The following DOK5 variants were observed in gnomAD, a reference collection of about 807,000 sequenced individuals.
DOK5 encodes the protein docking protein 5, also known as downstream of tyrosine kinase 5.
Under a neutral mutation model 43.3 loss-of-function variants are expected in DOK5, and 27 were observed. That is an observed-to-expected ratio of 0.62 (90% CI 0.46 to 0.86). The LOEUF is 0.86. Ranked by LOEUF, DOK5 falls within the 40% of genes least tolerant of loss-of-function variation. The pLI, the probability that DOK5 is intolerant of heterozygous loss-of-function variation, is 0.00. For missense variants in DOK5, 373 were observed against 392.9 expected, an observed-to-expected ratio of 0.95 and a Z score of 0.43; for synonymous variants, 146 against 140.1, an observed-to-expected ratio of 1.04 and a Z score of -0.30.
At chr20:54,599,120 G>A (rs1352084919) in intron 5 of DOK5, among the ~76,000 whole-genome samples, 1 of 152,118 alleles carries the variant, frequency 6.6e-6, no homozygotes, top group Non-Finnish European at 1.5e-5. Flanking sequence ...ATTTCTGAAT[G>A]TTTTACAGAG....
At chr20:54,626,780 C>T (rs1056347277) in intron 6 of DOK5, among the ~76,000 whole-genome samples, 11 of 152,174 alleles carry the variant, frequency 7.2e-5, no homozygotes, top group Admixed American at 1.3e-4. Flanking sequence ...CTAGTTTTTC[C>T]GTTCAACAGT....
chr20:54,525,039 T>A (rs1219814412), intron 1 of DOK5, among the ~76,000 whole-genome samples: 1 of 152,184 alleles, frequency 6.6e-6, no homozygotes, highest in Non-Finnish European at 1.5e-5. Flanking sequence ...AGGCGGAAGT[T>A]CTTACCCTGC....
chr20:54,616,690 G>A (rs1186089263), intron 6 of DOK5, among the ~76,000 whole-genome samples: 1 of 150,640 alleles, frequency 6.6e-6, no homozygotes, highest in Non-Finnish European at 1.5e-5. Context: ...TTCCTCTCCA[G>A]TTTTTCACAA....
intron 6 of DOK5, among the ~76,000 whole-genome samples, chr20:54,626,729 G>C (rs1315444135): frequency 6.6e-6 from 1 of 152,074 alleles, no homozygotes; most frequent in Admixed American, 6.6e-5. Flanking sequence ...TGATGCAATT[G>C]TTTATTTTAC....
intron 6 of DOK5, among the ~76,000 whole-genome samples, chr20:54,641,568 TCATCATCATCATCTC>T (rs1353129636): frequency 8.0e-4 from 97 of 121,332 alleles, no homozygotes; most frequent in African/African-American, 2.2e-3. Flanking sequence ...ATCATCATCA[TCATCATCATCATCTC>T]CATCTCCATT....
intron 5 of DOK5, among the ~76,000 whole-genome samples, chr20:54,604,382 A>C (rs867419452): frequency 4.2e-4 from 63 of 151,156 alleles, no homozygotes; most frequent in African/African-American, 1.5e-3. Flanking sequence ...TTTGGATTCC[A>C]GATTTTCATT....
chr20:54,524,639 T>C (rs1254755377), intron 1 of DOK5, among the ~76,000 whole-genome samples: 1 of 152,210 alleles, frequency 6.6e-6, no homozygotes, highest in Non-Finnish European at 1.5e-5. Context: ...AGAGAATGTG[T>C]TTGCCCAAAG....
At chr20:54,477,059 G>T (rs1261235308) in intron 1 of DOK5, among the ~76,000 whole-genome samples, 1 of 151,836 alleles carries the variant, frequency 6.6e-6, no homozygotes, top group African/African-American at 2.4e-5. Flanking sequence ...TGGCGGGGGC[G>T]GGGGGAGAAA....
chr20:54,563,711 T>C (rs774165982), intron 2 of DOK5, among the ~76,000 whole-genome samples: 2 of 150,486 alleles, frequency 1.3e-5, no homozygotes, highest in Non-Finnish European at 3.0e-5. Context: ...CAATACCAGA[T>C]TCTTGTCTTA....
At chr20:54,518,379 G>T (rs113275520) in intron 1 of DOK5, among the ~76,000 whole-genome samples, 2,194 of 151,936 alleles carry the variant, frequency 0.014, 48 homozygotes, top group African/African-American at 0.05. Flanking sequence ...GTGGTGTTTG[G>T]TTTTTTGTCC....
intron 5 of DOK5, among the ~76,000 whole-genome samples, chr20:54,601,735 C>T (rs1444696047): frequency 6.6e-6 from 1 of 152,206 alleles, no homozygotes; most frequent in Non-Finnish European, 1.5e-5. Flanking sequence ...GGGCCTTTCT[C>T]TTCACCCTGC....
At chr20:54,481,827 C>A (rs928110699) in intron 1 of DOK5, among the ~76,000 whole-genome samples, 43 of 152,312 alleles carry the variant, frequency 2.8e-4, no homozygotes, top group African/African-American at 1.0e-3. Flanking sequence ...TATTTATAAG[C>A]CTCCATCTTC....
At chr20:54,578,671 T>C (rs986541292) in intron 2 of DOK5, among the ~76,000 whole-genome samples, 3 of 152,244 alleles carry the variant, frequency 2.0e-5, no homozygotes, top group Admixed American at 6.5e-5. Context: ...CTGTTAGTAA[T>C]GAAAATTTAT....
intron 1 of DOK5, among the ~76,000 whole-genome samples, chr20:54,486,952 TA>T (rs957198788): frequency 1.2e-3 from 181 of 151,062 alleles, no homozygotes; most frequent in East Asian, 3.3e-3. Flanking sequence ...TTTTTGATAA[TA>T]AAAAAAAAGG....
intron 1 of DOK5, among the ~76,000 whole-genome samples, chr20:54,528,251 T>C (rs1020758876): frequency 3.3e-5 from 5 of 152,098 alleles, no homozygotes; most frequent in African/African-American, 1.2e-4. Flanking sequence ...TATAGATAAA[T>C]AGGAAGATAG....
intron 2 of DOK5, among the ~76,000 whole-genome samples, chr20:54,587,662 T>G (rs959011997): frequency 6.6e-6 from 1 of 152,126 alleles, no homozygotes; most frequent in Middle Eastern, 3.4e-3. Flanking sequence ...ACTGTGGAAA[T>G]ATAATGAGCC....
intron 1 of DOK5, among the ~76,000 whole-genome samples, chr20:54,495,955 A>G (rs1054715944): frequency 2.0e-5 from 3 of 152,228 alleles, no homozygotes; most frequent in Non-Finnish European, 4.4e-5. Context: ...TGACAATTTT[A>G]CACATAGGAC....
At chr20:54,631,882 G>A (rs2146817450) in intron 6 of DOK5, among the ~76,000 whole-genome samples, 1 of 152,278 alleles carries the variant, frequency 6.6e-6, no homozygotes, top group African/African-American at 2.4e-5. Context: ...TGAGGCAGGA[G>A]AATCGCTTGA....
At chr20:54,627,469 C>A (rs1023042821) in intron 6 of DOK5, among the ~76,000 whole-genome samples, 7 of 152,158 alleles carry the variant, frequency 4.6e-5, no homozygotes, top group Admixed American at 1.3e-4. Flanking sequence ...CGGTGGGTCA[C>A]CCTTTAGTTA....
Sources: allele counts gnomAD v4.1 joint callset (sites outside exome capture counted in the v4.1 genomes callset), GRCh38; gene constraint gnomAD v4.1.1; transcripts MANE v1.5; gene names NCBI Gene and HGNC (gene_info 2026-07-23, HGNC 2026-07-21).